PTGER4: variants seen among roughly 807,000 people sequenced by gnomAD.
PTGER4 encodes the protein prostaglandin E2 receptor EP4 subtype.
PTGER4 carries 11 observed loss-of-function variants against 33.2 expected under a neutral mutation model. The observed-to-expected ratio is 0.33, with a 90% CI of 0.21 to 0.55. The LOEUF is 0.55. Among genes scored for constraint, PTGER4 ranks in the 20% least tolerant of loss-of-function variants. The pLI, the probability that PTGER4 is intolerant of heterozygous loss-of-function variation, is 0.92. For synonymous variants in PTGER4, 275 were observed against 281.5 expected (o/e 0.98, Z 0.23); for missense variants, 481 against 650.2 (o/e 0.74, Z 2.83).
the PTGER4 span, among the ~76,000 whole-genome samples, chr5:40,729,156 A>G: frequency 6.6e-6 from 1 of 152,192 alleles, no homozygotes; most frequent in Non-Finnish European, 1.5e-5. Flanking sequence ...GCTTGCCACA[A>G]ACCTGTCATT....
chr5:40,703,236 T>A, the PTGER4 span, among the ~76,000 whole-genome samples: 1 of 139,878 alleles, frequency 7.1e-6, no homozygotes, highest in Non-Finnish European at 1.6e-5. Flanking sequence ...AAAAAAAAAT[T>A]AATAAAACAG....
At chr5:40,721,309 G>A in the PTGER4 span, among the ~76,000 whole-genome samples, 22 of 152,114 alleles carry the variant, frequency 1.4e-4, 1 homozygote, top group Admixed American at 1.3e-3. Context: ...ATCAATTTTA[G>A]AAGTAAGAAC....
chr5:40,714,952 G>A, the PTGER4 span: 1 of 151,952 alleles, frequency 6.6e-6, no homozygotes, highest in African/African-American at 2.4e-5. Flanking sequence ...ACAATATATA[G>A]TATAAAAATA....
At chr5:40,685,400 G>A (rs1741299426) in intron 2 of PTGER4, 2 of 985,262 alleles carry the variant, frequency 2.0e-6, no homozygotes, top group Non-Finnish European at 1.2e-6. Flanking sequence ...AGGCAAACTG[G>A]AAGTGGAGTC....
the PTGER4 span, among the ~76,000 whole-genome samples, chr5:40,723,961 A>C: frequency 1.3e-5 from 2 of 152,230 alleles, no homozygotes; most frequent in Non-Finnish European, 2.9e-5. Flanking sequence ...AAAATGGTGT[A>C]GCCATTATGG....
At chr5:40,742,624 A>G in the PTGER4 span, among the ~76,000 whole-genome samples, 1 of 152,202 alleles carries the variant, frequency 6.6e-6, no homozygotes, top group African/African-American at 2.4e-5. Context: ...TACACAAAAC[A>G]ACAGGGGAAT....
At position 40,692,860 on chromosome 5, in the gene PTGER4, C is replaced by T. The variant is rs139353744; in HGVS notation, c.*482C>T. The T allele has an allele frequency of 7.1e-5, 70 of 984,778 alleles. No homozygotes were observed. In the African/African-American group the frequency reaches 1.1e-3, roughly 15 times the overall value. 61.0% of individuals were successfully genotyped at this position (984,778 alleles called of 1,614,324 possible). On this transcript the variant is annotated 3_prime_UTR_variant, in exon 3 of 3. Coordinates refer to ENST00000302472, the MANE Select transcript of PTGER4 (RefSeq NM_000958.3). ...TAAGGTATTTAAAGTATTTTCTTCT[C>T]TGTGAGAAGGTTTATTGTTAATACA...
At chr5:40,729,909 G>C in the PTGER4 span, among the ~76,000 whole-genome samples, 1 of 152,154 alleles carries the variant, frequency 6.6e-6, no homozygotes, top group African/African-American at 2.4e-5. Flanking sequence ...ATGTTGGTCA[G>C]GGTGGTCTCG....
Position 40,683,584 on chromosome 5 carries a change from G to A in PTGER4, c.867+1724G>A, listed in dbSNP as rs780935954. On this transcript the variant is annotated intron_variant, in intron 2 of 2. Coordinates refer to ENST00000302472, the MANE Select transcript of PTGER4 (RefSeq NM_000958.3). This position sits in a 1 kb window ranked among gnomAD's most constrained non-coding sequence, Gnocchi z 4.2. ...AGAACATCCACTTAAAGGGACAGAG[G>A]AATTAGAGCTAGAAGGTTAGCAACA... is the stretch of plus-strand genomic sequence containing the variant. Among the ~76,000 whole-genome samples the A allele has an allele frequency of 3.9e-5, 6 of 152,224 alleles. No individual in the cohort carries two copies. Among genetic ancestry groups the A allele is most frequent in the Non-Finnish European group, 7.3e-5 (5 of 68,038 alleles).
chr5:40,738,229 C>T, the PTGER4 span, among the ~76,000 whole-genome samples: 6 of 151,796 alleles, frequency 4.0e-5, no homozygotes, highest in East Asian at 5.8e-4. Context: ...CTGGCCAAGA[C>T]GGTGAAACCC....
chr5:40,710,944 G>A, the PTGER4 span, among the ~76,000 whole-genome samples: 1 of 152,114 alleles, frequency 6.6e-6, no homozygotes, highest in South Asian at 2.1e-4. Context: ...GGGGGAAAGG[G>A]GAGAGATAGC....
chr5:40,697,297 A>AG (rs1554024591), downstream of PTGER4, among the ~76,000 whole-genome samples: 14 of 148,498 alleles, frequency 9.4e-5, no homozygotes, highest in South Asian at 2.4e-3. Flanking sequence ...AAAGAAAGAA[A>AG]AAGAAAGGCC....
chr5:40,683,237 T>G lies in PTGER4; in HGVS notation c.867+1377T>G, dbSNP rs1454215907. ...TCCAGGGATCTTTGGTGTAAAAATA[T>G]ATCTTTGATAAAAGTGACTGTAAAT... On this transcript the variant is annotated intron_variant, in intron 2 of 2. Coordinates refer to ENST00000302472, the MANE Select transcript of PTGER4 (RefSeq NM_000958.3). The surrounding 1 kb of genome is among the most constrained non-coding windows in gnomAD (Gnocchi z 4.2). Among the ~76,000 whole-genome samples, 1 of 152,206 alleles carries G rather than the reference T, an allele frequency of 6.6e-6. No individual in the cohort carries two copies. Among genetic ancestry groups the G allele is most frequent in the East Asian group, 1.9e-4 (1 of 5,202 alleles).
the PTGER4 span, among the ~76,000 whole-genome samples, chr5:40,731,352 A>C: frequency 8.9e-6 from 1 of 111,896 alleles, no homozygotes; most frequent in Non-Finnish European, 1.9e-5. Context: ...GTTAGTATGG[A>C]TCCCCTGCTA....
chr5:40,703,355 T>C, the PTGER4 span, among the ~76,000 whole-genome samples: 2 of 152,154 alleles, frequency 1.3e-5, no homozygotes, highest in Admixed American at 6.5e-5. Context: ...CAGAAACTAC[T>C]ATGAACACCA....
At chr5:40,725,076 G>GACCTCAGGTGATCAACCC in the PTGER4 span, among the ~76,000 whole-genome samples, 4 of 151,456 alleles carry the variant, frequency 2.6e-5, no homozygotes, top group African/African-American at 7.3e-5. Flanking sequence ...CAAAACTCCT[G>GACCTCAGGTGATCAACCC]ACCTCAGGTG....
the PTGER4 span, among the ~76,000 whole-genome samples, chr5:40,722,620 C>T: frequency 6.6e-6 from 1 of 151,926 alleles, no homozygotes; most frequent in South Asian, 2.1e-4. Context: ...TGAGGAGCCC[C>T]TCCGCCCAGC....
downstream of PTGER4, among the ~76,000 whole-genome samples, chr5:40,697,583 C>CAAAAAAAAA (rs768811169): frequency 2.1e-5 from 2 of 94,766 alleles, no homozygotes; most frequent in African/African-American, 4.8e-5. Context: ...AATTCCATCT[C>CAAAAAAAAA]AAAAAAAAAA....
chr5:40,746,622 T>C, the PTGER4 span, among the ~76,000 whole-genome samples: 5 of 152,302 alleles, frequency 3.3e-5, no homozygotes, highest in South Asian at 1.0e-3. Flanking sequence ...GAAAACTATT[T>C]TACAAACTTT....
Sources: gnomAD v4.1 joint callset for allele counts (sites outside exome capture counted in the v4.1 genomes callset) on GRCh38, gnomAD v4.1.1 for gene constraint, Gnocchi (gnomAD v3.1) non-coding constraint, MANE v1.5 for transcripts, NCBI Gene and HGNC (gene_info 2026-07-23, HGNC 2026-07-21) for gene names.